PRKCE: variants seen among roughly 807,000 people sequenced by gnomAD.
The protein encoded by PRKCE is protein kinase C epsilon.
PRKCE carries 16 observed loss-of-function variants against 85.4 expected under a neutral mutation model. The observed-to-expected ratio is 0.19, with a 90% CI of 0.13 to 0.28. PRKCE has a LOEUF of 0.28. PRKCE is among the 10% of genes least tolerant of loss of function. The pLI, the probability that PRKCE is intolerant of heterozygous loss-of-function variation, is 1.00. For missense variants in PRKCE, 573 were observed against 975.2 expected (o/e 0.59, Z 5.49); for synonymous variants, 388 against 371.5 (o/e 1.04, Z -0.51).
At chr2:45,658,940 G>A (rs1255396144) in intron 1 of PRKCE, among the ~76,000 whole-genome samples, 1 of 152,190 alleles carries the variant, frequency 6.6e-6, no homozygotes, top group Non-Finnish European at 1.5e-5. Flanking sequence ...TGTAGACAAA[G>A]GTTAATTATT....
At chr2:45,674,843 G>A (rs1369643867) in intron 1 of PRKCE, 1 of 152,228 alleles carries the variant, frequency 6.6e-6, no homozygotes, top group African/African-American at 2.4e-5. Flanking sequence ...AGGAGTTTAT[G>A]AGAATTCTCG....
chr2:45,658,945 ATTAT>A (rs1185166502), intron 1 of PRKCE, among the ~76,000 whole-genome samples: 1 of 152,238 alleles, frequency 6.6e-6, no homozygotes, highest in Non-Finnish European at 1.5e-5. Context: ...ACAAAGGTTA[ATTAT>A]TTATTGAAGA....
intron 2 of PRKCE, among the ~76,000 whole-genome samples, chr2:45,894,743 G>A (rs151295955): frequency 8.5e-5 from 13 of 152,242 alleles, no homozygotes; most frequent in East Asian, 3.9e-4. Context: ...GTTTGTTTGC[G>A]ATGGAGTCTC....
chr2:45,668,741 G>T (rs1676025953), intron 1 of PRKCE, among the ~76,000 whole-genome samples: 1 of 152,064 alleles, frequency 6.6e-6, no homozygotes, highest in South Asian at 2.1e-4. Flanking sequence ...TGTAAAATGG[G>T]AATAGTCACA....
At chr2:45,914,596 T>C (rs921252967) in intron 2 of PRKCE, among the ~76,000 whole-genome samples, 2 of 152,218 alleles carry the variant, frequency 1.3e-5, no homozygotes, top group African/African-American at 4.8e-5. Context: ...CCCCATCTGC[T>C]TCCTAGGTTC....
chr2:45,897,385 C>A (rs1027268570), intron 2 of PRKCE, among the ~76,000 whole-genome samples: 1 of 152,208 alleles, frequency 6.6e-6, no homozygotes, highest in African/African-American at 2.4e-5. Context: ...TCATTGCGAA[C>A]TTGGAAATCA....
chr2:46,120,900 C>T (rs750751811), intron 11 of PRKCE, among the ~76,000 whole-genome samples: 18 of 152,094 alleles, frequency 1.2e-4, no homozygotes, highest in South Asian at 2.1e-4. Context: ...GCCTTCTTAC[C>T]GATGTATTAA....
Position 45,935,227 on chromosome 2 carries a change from A to G in PRKCE, c.413-41202A>G, listed in dbSNP as rs543843134. Among the ~76,000 whole-genome samples, 13 of 152,296 alleles carry G rather than the reference A, an allele frequency of 8.5e-5. No homozygotes were observed. The East Asian group carries it at 2.5e-3, about 29-fold the overall frequency. ...TTTGTTTTTCAATATTTTCAGTTTG[A>G]ATATTGTTAGTTAAAATACTTAAAG... is the stretch of plus-strand genomic sequence containing the variant. On this transcript the variant is annotated intron_variant, in intron 2 of 14. Transcript: ENST00000306156.
chr2:45,688,274 A>G (rs1167313973), intron 1 of PRKCE, among the ~76,000 whole-genome samples: 1 of 152,078 alleles, frequency 6.6e-6, no homozygotes, highest in African/African-American at 2.4e-5. Context: ...TTTTTTTAGT[A>G]TTAAAAAAAT....
rs752601185 is a variant in PRKCE, at chr2:45,936,778, A to G, written c.413-39651A>G. ...AAGAAGTGTGATTTTGGAGGACCCAAAGATTTTCCACTGGTGTAGGGAATG... is the reference window on the plus strand; with the variant it reads ...AAGAAGTGTGATTTTGGAGGACCCAGAGATTTTCCACTGGTGTAGGGAATG... On this transcript the variant is annotated intron_variant, in intron 2 of 14. Coordinates refer to ENST00000306156, the MANE Select transcript of PRKCE (RefSeq NM_005400.3). Among the ~76,000 whole-genome samples, 14 of 152,192 alleles carry G rather than the reference A, an allele frequency of 9.2e-5. 1 individual carries two copies. Among genetic ancestry groups the G allele is most frequent in the Admixed American group, 4.6e-4 (7 of 15,282 alleles).
intron 10 of PRKCE, among the ~76,000 whole-genome samples, chr2:46,080,341 G>T (rs79958282): frequency 6.6e-6 from 1 of 151,064 alleles, no homozygotes; most frequent in African/African-American, 2.4e-5. Flanking sequence ...TGTAAAAAAA[G>T]AGTTGATCGT....
intron 2 of PRKCE, among the ~76,000 whole-genome samples, chr2:45,881,425 A>G (rs1291734607): frequency 1.3e-5 from 2 of 152,184 alleles, no homozygotes. Context: ...CCTCATTACC[A>G]TTTTTGGATA....
intron 2 of PRKCE, chr2:45,851,572 G>A (rs1692260429): frequency 6.6e-6 from 1 of 152,124 alleles, no homozygotes; most frequent in African/African-American, 2.4e-5. Flanking sequence ...TTCTTGTCAA[G>A]CTTATTATTT....
chr2:46,040,358 C>A (rs1470170047), intron 10 of PRKCE, among the ~76,000 whole-genome samples: 2 of 152,194 alleles, frequency 1.3e-5, no homozygotes, highest in Non-Finnish European at 2.9e-5. Context: ...TCTGGTTACA[C>A]TGGAGGGTAC....
chr2:45,817,255 T>C (rs894746997), intron 1 of PRKCE, among the ~76,000 whole-genome samples: 1 of 152,184 alleles, frequency 6.6e-6, no homozygotes, highest in Non-Finnish European at 1.5e-5. Context: ...CTTCACAGTT[T>C]ATCAAGTACC....
chr2:46,013,208 C>G (rs1406317886), intron 10 of PRKCE, among the ~76,000 whole-genome samples: 1 of 152,204 alleles, frequency 6.6e-6, no homozygotes, highest in Non-Finnish European at 1.5e-5. Flanking sequence ...AAAAATGTGA[C>G]TTTCCCTATG....
At chr2:46,005,262 A>G (rs1705079245) in intron 8 of PRKCE, among the ~76,000 whole-genome samples, 1 of 152,138 alleles carries the variant, frequency 6.6e-6, no homozygotes, top group African/African-American at 2.4e-5. Context: ...CTGCAGACAT[A>G]ATTTGCACAA....
At chr2:45,794,533 G>T (rs971568305) in intron 1 of PRKCE, among the ~76,000 whole-genome samples, 8 of 152,108 alleles carry the variant, frequency 5.3e-5, no homozygotes, top group African/African-American at 1.7e-4. Context: ...CCTGATGCAC[G>T]GCTTTCTGTG....
chr2:46,186,234 T>C lies in PRKCE; in HGVS notation c.*1353T>C, dbSNP rs898057362. On this transcript the variant is annotated 3_prime_UTR_variant, in exon 15 of 15. Transcript: ENST00000306156. ...TGTGTATATGTTTCCCAGAGGTCAT[T>C]TGATTACCTAATTTACTGAACTGAT... 1 of 152,646 alleles carries C rather than the reference T, an allele frequency of 6.6e-6. No individual in the cohort carries two copies. The highest frequency in any genetic ancestry group is 1.5e-5 in the Non-Finnish European group (1 of 68,034). 9.5% of individuals were successfully genotyped at this position (152,646 alleles called of 1,614,324 possible).
Sources: gnomAD v4.1 joint callset for allele counts (sites outside exome capture counted in the v4.1 genomes callset) on GRCh38, gnomAD v4.1.1 for gene constraint, MANE v1.5 for transcripts, NCBI Gene and HGNC (gene_info 2026-07-23, HGNC 2026-07-21) for gene names.